IGF2BP2: variants seen among roughly 807,000 people sequenced by gnomAD.
IGF2BP2 encodes the protein insulin-like growth factor 2 mRNA-binding protein 2.
A neutral mutation model predicts 75.8 loss-of-function variants in IGF2BP2; 17 were observed. The observed-to-expected ratio is 0.22, with a 90% CI of 0.15 to 0.34. IGF2BP2 has a LOEUF of 0.34. Among genes scored for constraint, IGF2BP2 ranks in the 10% least tolerant of loss-of-function variants. The pLI is 1.00. For missense variants in IGF2BP2, 516 were observed against 772.4 expected (o/e 0.67, Z 3.93); for synonymous variants, 288 against 295.6 (o/e 0.97, Z 0.26).
chr3:185,658,099 A>G (rs1577839285), intron 11 of IGF2BP2, among the ~76,000 whole-genome samples: 1 of 152,138 alleles, frequency 6.6e-6, no homozygotes, highest in South Asian at 2.1e-4. Context: ...AGTTCCTGCG[A>G]CCTGTGAGGT....
intron 2 of IGF2BP2, among the ~76,000 whole-genome samples, chr3:185,711,676 G>A (rs1724820027): frequency 1.3e-5 from 2 of 152,156 alleles, no homozygotes; most frequent in African/African-American, 2.4e-5. Flanking sequence ...GGCAGTCCCC[G>A]CTACCACAGC....
chr3:185,823,683 C>G (rs1741652065), intron 1 of IGF2BP2, among the ~76,000 whole-genome samples: 1 of 151,870 alleles, frequency 6.6e-6, no homozygotes. Flanking sequence ...GCAGCGACAG[C>G]CCTGTCCCTG....
intron 5 of IGF2BP2, among the ~76,000 whole-genome samples, chr3:185,690,308 T>A (rs900200362): frequency 1.3e-5 from 2 of 152,238 alleles, no homozygotes; most frequent in Non-Finnish European, 1.5e-5. Flanking sequence ...AATATGTAAG[T>A]GCAAATAAAA....
At chr3:185,802,755 C>T (rs1309997799) in intron 2 of IGF2BP2, among the ~76,000 whole-genome samples, 1 of 152,154 alleles carries the variant, frequency 6.6e-6, no homozygotes, top group East Asian at 1.9e-4. Flanking sequence ...AAGTTTAGGT[C>T]TCTAAAAACC....
intron 2 of IGF2BP2, among the ~76,000 whole-genome samples, chr3:185,739,465 T>C (rs1429059907): frequency 6.6e-6 from 1 of 152,202 alleles, no homozygotes; most frequent in East Asian, 1.9e-4. Context: ...CCTTCTGTTA[T>C]CAAAAGGCAA....
intron 2 of IGF2BP2, among the ~76,000 whole-genome samples, chr3:185,708,052 A>G (rs1724300938): frequency 6.6e-6 from 1 of 151,850 alleles, no homozygotes; most frequent in African/African-American, 2.4e-5. Flanking sequence ...ACTGACATTC[A>G]TGGATGCTAA....
chr3:185,711,759 T>G (rs888252722), intron 2 of IGF2BP2, among the ~76,000 whole-genome samples: 5 of 152,180 alleles, frequency 3.3e-5, no homozygotes, highest in African/African-American at 1.2e-4. Context: ...TTCAGGACCT[T>G]TCCTTGCCTA....
intron 2 of IGF2BP2, among the ~76,000 whole-genome samples, chr3:185,770,198 C>T (rs1487728056): frequency 6.6e-6 from 1 of 152,068 alleles, no homozygotes; most frequent in East Asian, 1.9e-4. Context: ...TGGTGGCGGG[C>T]GTGTAATTTA....
At chr3:185,732,841 A>G (rs1178409718) in intron 2 of IGF2BP2, among the ~76,000 whole-genome samples, 1 of 152,224 alleles carries the variant, frequency 6.6e-6, no homozygotes, top group Non-Finnish European at 1.5e-5. Flanking sequence ...GTTGAGTTAG[A>G]TAATCCCCTG....
intron 2 of IGF2BP2, among the ~76,000 whole-genome samples, chr3:185,741,168 C>T (rs558169259): frequency 2.6e-5 from 4 of 152,166 alleles, no homozygotes; most frequent in East Asian, 3.9e-4. Context: ...CCACTGTGCC[C>T]GGCCGCATAT....
chr3:185,815,755 T>G (rs534404161), intron 2 of IGF2BP2, among the ~76,000 whole-genome samples: 2 of 152,100 alleles, frequency 1.3e-5, no homozygotes, highest in South Asian at 4.1e-4. Flanking sequence ...TGATAATTCC[T>G]CTCTCCCTCC....
At chr3:185,791,161 T>A (rs999980902) in intron 2 of IGF2BP2, among the ~76,000 whole-genome samples, 3 of 152,228 alleles carry the variant, frequency 2.0e-5, no homozygotes, top group Non-Finnish European at 4.4e-5. Context: ...ATTGGTCCAC[T>A]GCTGTGTTTT....
chr3:185,821,004 C>T (rs1741305307), intron 2 of IGF2BP2: 13 of 1,535,460 alleles, frequency 8.5e-6, no homozygotes, highest in Non-Finnish European at 1.1e-5. Context: ...TTTCAAATGT[C>T]ACAGTACCCT....
intron 3 of IGF2BP2, among the ~76,000 whole-genome samples, chr3:185,697,978 T>C (rs1372232106): frequency 6.6e-6 from 1 of 152,166 alleles, no homozygotes; most frequent in Non-Finnish European, 1.5e-5. Flanking sequence ...AGTGAGACAC[T>C]GTCTCAAACA....
intron 2 of IGF2BP2, among the ~76,000 whole-genome samples, chr3:185,744,541 C>T (rs1729986358): frequency 6.6e-6 from 1 of 152,212 alleles, no homozygotes; most frequent in Non-Finnish European, 1.5e-5. Context: ...GGTGCCATGG[C>T]TCACACCTGT....
At chr3:185,675,716 G>A in intron 8 of IGF2BP2, 75 bp downstream of exon 8, 1 of 1,516,722 alleles carries the variant, frequency 6.6e-7, no homozygotes, top group African/African-American at 1.4e-5. Flanking sequence ...GGGAAAAGTA[G>A]ATGAATGAAC....
intron 10 of IGF2BP2, among the ~76,000 whole-genome samples, chr3:185,661,105 T>C (rs1716359584): frequency 2.0e-5 from 3 of 152,252 alleles, no homozygotes; most frequent in South Asian, 4.1e-4. Context: ...AGCTGAAAAA[T>C]TGTCACAGGG....
chr3:185,721,825 T>C (rs930682331), intron 2 of IGF2BP2, among the ~76,000 whole-genome samples: 3 of 152,126 alleles, frequency 2.0e-5, no homozygotes, highest in South Asian at 2.1e-4. Context: ...TTCAGCAATG[T>C]TGGCTTTCTT....
At chr3:185,815,653 C>T (rs1434636588) in intron 2 of IGF2BP2, among the ~76,000 whole-genome samples, 2 of 152,098 alleles carry the variant, frequency 1.3e-5, no homozygotes, top group Non-Finnish European at 2.9e-5. Flanking sequence ...CAGAATTCCA[C>T]GGAAAATGCC....
Sources: allele counts gnomAD v4.1 joint callset (sites outside exome capture counted in the v4.1 genomes callset), GRCh38; gene constraint gnomAD v4.1.1; transcripts MANE v1.5; gene names NCBI Gene and HGNC (gene_info 2026-07-23, HGNC 2026-07-21).